The following SOX5 variants were observed in gnomAD, a reference collection of about 807,000 sequenced individuals.
SOX5 encodes the protein transcription factor SOX-5.
In SOX5, 9 loss-of-function variants were observed where a neutral mutation model predicts 92.0. That is an observed-to-expected ratio of 0.10 (90% confidence interval 0.06 to 0.17). SOX5 has a LOEUF of 0.17. Ranked by LOEUF, SOX5 falls within the 10% of genes least tolerant of loss-of-function variation. The pLI, the probability that SOX5 is intolerant of heterozygous loss-of-function variation, is 1.00. For missense variants in SOX5, 642 were observed against 944.5 expected (o/e 0.68, Z 4.20); for synonymous variants, 344 against 336.3 (o/e 1.02, Z -0.25).
chr12:24,279,857 C>T (rs2140401536), intron 2 of SOX5, among the ~76,000 whole-genome samples: 1 of 152,270 alleles, frequency 6.6e-6, no homozygotes, highest in Admixed American at 6.5e-5. Context: ...TTCTGACCCT[C>T]TGTAAACTGC....
At chr12:24,017,151 ATTGT>A (rs1569491558) in intron 4 of SOX5, among the ~76,000 whole-genome samples, 1 of 152,194 alleles carries the variant, frequency 6.6e-6, no homozygotes, top group Non-Finnish European at 1.5e-5. Context: ...GTCTTTTAAA[ATTGT>A]TTGAGGAATT....
chr12:23,770,972 T>C (rs2141533253), intron 3 of SOX5, among the ~76,000 whole-genome samples: 1 of 152,172 alleles, frequency 6.6e-6, no homozygotes, highest in East Asian at 1.9e-4. Context: ...AGATATTCAA[T>C]AAAAACAGTC....
intron 2 of SOX5, among the ~76,000 whole-genome samples, chr12:24,302,201 C>T (rs953363005): frequency 1.3e-5 from 2 of 152,140 alleles, no homozygotes; most frequent in Admixed American, 1.3e-4. Flanking sequence ...TATACTGATT[C>T]CCATTTTGTC....
At chr12:24,104,848 C>T (rs980034591) in intron 4 of SOX5, among the ~76,000 whole-genome samples, 5 of 152,200 alleles carry the variant, frequency 3.3e-5, no homozygotes, top group African/African-American at 7.2e-5. Flanking sequence ...TATTCCACGA[C>T]AGCCAAACAA....
At chr12:24,428,227 C>A (rs1293340224) in intron 1 of SOX5, among the ~76,000 whole-genome samples, 2 of 141,286 alleles carry the variant, frequency 1.4e-5, no homozygotes, top group African/African-American at 5.2e-5. Flanking sequence ...AAAAAAAAAA[C>A]CTGAGTTTAC....
At chr12:24,482,186 C>T (rs1213064918) in intron 1 of SOX5, among the ~76,000 whole-genome samples, 1 of 152,270 alleles carries the variant, frequency 6.6e-6, no homozygotes, top group Admixed American at 6.5e-5. Context: ...CATGGATACA[C>T]TGTACACTCA....
intron 1 of SOX5, among the ~76,000 whole-genome samples, chr12:24,498,068 G>A (rs954884839): frequency 2.6e-5 from 4 of 152,172 alleles, no homozygotes; most frequent in African/African-American, 7.2e-5. Context: ...GCAGCAGGAG[G>A]AGGGAGAGCA....
At chr12:24,274,617 T>C (rs548052729) in intron 3 of SOX5, among the ~76,000 whole-genome samples, 30 of 151,120 alleles carry the variant, frequency 2.0e-4, no homozygotes, top group African/African-American at 7.3e-4. Flanking sequence ...CCAAACATCA[T>C]ACATCATGTG....
intron 2 of SOX5, among the ~76,000 whole-genome samples, chr12:24,321,842 T>C (rs543686057): frequency 5.5e-4 from 83 of 152,292 alleles, no homozygotes; most frequent in African/African-American, 1.8e-3. Flanking sequence ...AGTTATATTA[T>C]GTGAATGAAC....
At chr12:23,819,189 C>T (rs186730249) in intron 3 of SOX5, among the ~76,000 whole-genome samples, 99 of 152,320 alleles carry the variant, frequency 6.5e-4, no homozygotes, top group African/African-American at 2.1e-3. Context: ...AGCATCACCA[C>T]AAACTTGTGA....
intron 4 of SOX5, among the ~76,000 whole-genome samples, chr12:24,097,811 C>A (rs1945608246): frequency 6.6e-6 from 1 of 152,096 alleles, no homozygotes; most frequent in African/African-American, 2.4e-5. Flanking sequence ...GCATATTCCT[C>A]TGAAGTTTTA....
chr12:24,525,592 C>T (rs1835386344), intron 1 of SOX5, among the ~76,000 whole-genome samples: 2 of 152,174 alleles, frequency 1.3e-5, no homozygotes, highest in African/African-American at 4.8e-5. Flanking sequence ...AGTAGCCAGG[C>T]CGGGCGTGGT....
intron 2 of SOX5, among the ~76,000 whole-genome samples, chr12:23,859,678 T>C (rs1287238950): frequency 6.6e-6 from 1 of 152,170 alleles, no homozygotes; most frequent in Non-Finnish European, 1.5e-5. Flanking sequence ...TTGAAATCCC[T>C]AATAAAAACT....
chr12:24,525,803 C>T (rs1448264433), intron 1 of SOX5, among the ~76,000 whole-genome samples: 7 of 151,614 alleles, frequency 4.6e-5, no homozygotes, highest in Admixed American at 1.3e-4. Context: ...TGCAGTGAGC[C>T]GAGATCGCGC....
At chr12:24,179,380 T>C (rs1252694721) in intron 4 of SOX5, among the ~76,000 whole-genome samples, 1 of 152,200 alleles carries the variant, frequency 6.6e-6, no homozygotes, top group Non-Finnish European at 1.5e-5. Flanking sequence ...ATGCATTCAA[T>C]AGAAATCATA....
chr12:24,153,699 G>A (rs1951882240), intron 4 of SOX5, among the ~76,000 whole-genome samples: 2 of 152,110 alleles, frequency 1.3e-5, no homozygotes, highest in Admixed American at 1.3e-4. Flanking sequence ...TTCTGGGACA[G>A]TAAACATACA....
At chr12:24,523,570 C>A (rs2138520759) in intron 1 of SOX5, among the ~76,000 whole-genome samples, 1 of 152,150 alleles carries the variant, frequency 6.6e-6, no homozygotes, top group Non-Finnish European at 1.5e-5. Context: ...GAAGAGAGAC[C>A]CCAGTAGGAA....
At chr12:24,162,723 CT>C (rs1952899798) in intron 4 of SOX5, among the ~76,000 whole-genome samples, 1 of 152,102 alleles carries the variant, frequency 6.6e-6, no homozygotes, top group Non-Finnish European at 1.5e-5. Flanking sequence ...GGAAGGAATC[CT>C]TTTTTTACTC....
intron 1 of SOX5, among the ~76,000 whole-genome samples, chr12:23,944,581 C>T (rs1944234698): frequency 1.3e-5 from 2 of 152,256 alleles, no homozygotes; most frequent in South Asian, 4.1e-4. Context: ...GAATATGTGG[C>T]ATTCTCCTAA....
Sources: allele counts gnomAD v4.1 joint callset (sites outside exome capture counted in the v4.1 genomes callset), GRCh38; gene constraint gnomAD v4.1.1; transcripts MANE v1.5; gene names NCBI Gene and HGNC (gene_info 2026-07-23, HGNC 2026-07-21).